The following NTM variants were observed in gnomAD, a reference collection of about 807,000 sequenced individuals.
NTM encodes the protein neurotrimin, also known as IgLON family member 2.
Under a neutral mutation model 42.1 loss-of-function variants are expected in NTM, and 13 were observed. That is an observed-to-expected ratio of 0.31 (90% confidence interval 0.20 to 0.49). The LOEUF (loss-of-function observed/expected upper bound fraction) is 0.49. Among genes scored for constraint, NTM ranks in the 20% least tolerant of loss-of-function variants. NTM has a pLI of 0.99. For synonymous variants in NTM, 187 were observed against 179.2 expected (o/e 1.04, Z -0.35); for missense variants, 373 against 452.8 (o/e 0.82, Z 1.60).
At chr11:132,079,707 T>C (rs2058789579) in intron 2 of NTM, among the ~76,000 whole-genome samples, 1 of 152,218 alleles carries the variant, frequency 6.6e-6, no homozygotes, top group African/African-American at 2.4e-5. Flanking sequence ...TGGTTGCATG[T>C]TCCTGACACT....
At chr11:132,111,447 T>C (rs1047758465) in intron 2 of NTM, among the ~76,000 whole-genome samples, 9 of 152,208 alleles carry the variant, frequency 5.9e-5, no homozygotes, top group Non-Finnish European at 1.2e-4. Flanking sequence ...TCTATCATCC[T>C]GAACTGTTTT....
chr11:131,896,701 T>C (rs1247666981), intron 1 of NTM, among the ~76,000 whole-genome samples: 6 of 138,808 alleles, frequency 4.3e-5, no homozygotes, highest in Non-Finnish European at 6.2e-5. Context: ...TTTTTTTTTT[T>C]TCTCTGAGAC....
At chr11:131,636,185 C>A (rs1382857785) in intron 1 of NTM, among the ~76,000 whole-genome samples, 1 of 152,062 alleles carries the variant, frequency 6.6e-6, no homozygotes, top group Admixed American at 6.5e-5. Flanking sequence ...GACACAGAGC[C>A]CCACCACGGA....
intron 1 of NTM, among the ~76,000 whole-genome samples, chr11:131,894,427 C>A (rs1255557041): frequency 1.3e-5 from 2 of 152,176 alleles, no homozygotes; most frequent in Non-Finnish European, 2.9e-5. Flanking sequence ...ATGAGCTCTG[C>A]AAAACTGGAT....
chr11:131,549,885 G>A (rs1056546220), intron 1 of NTM, among the ~76,000 whole-genome samples: 6 of 152,182 alleles, frequency 3.9e-5, no homozygotes, highest in African/African-American at 1.2e-4. Context: ...GACAAACCAC[G>A]ATTCGAGGTG....
rs529589691 is a variant in NTM at position 132,265,277 on chromosome 11, A to G, written c.527-42412A>G. On this transcript the variant is annotated intron_variant, in intron 4 of 8. Coordinates refer to ENST00000683400, the MANE Select transcript of NTM (RefSeq NM_001352005.2). ...GCCAGATATATTTTTATTAAAAAAT[A>G]AAAACTGGAACAGCTTCTGGCATGG... Among the ~76,000 whole-genome samples, 274 of 152,348 alleles carry G rather than the reference A, an allele frequency of 1.8e-3. 1 individual carries two copies. Among genetic ancestry groups the G allele is most frequent in the African/African-American group, 6.2e-3 (257 of 41,586 alleles).
chr11:131,649,034 G>A (rs1160918061), intron 1 of NTM, among the ~76,000 whole-genome samples: 3 of 152,146 alleles, frequency 2.0e-5, no homozygotes, highest in Admixed American at 6.5e-5. Context: ...TGTTGTGCCC[G>A]TGTTTTCCCT....
intron 1 of NTM, among the ~76,000 whole-genome samples, chr11:131,563,126 C>G (rs1334053384): frequency 1.3e-5 from 2 of 152,206 alleles, no homozygotes; most frequent in African/African-American, 2.4e-5. Flanking sequence ...TAATAGCTAC[C>G]TGCCTCCTGG....
intron 2 of NTM, among the ~76,000 whole-genome samples, chr11:131,995,167 A>G (rs2067761199): frequency 6.6e-6 from 1 of 152,180 alleles, no homozygotes; most frequent in Non-Finnish European, 1.5e-5. Context: ...GATCCATGGT[A>G]AGGATGGGTT....
intron 1 of NTM, among the ~76,000 whole-genome samples, chr11:131,700,728 G>A (rs2075989326): frequency 6.6e-6 from 1 of 152,164 alleles, no homozygotes; most frequent in African/African-American, 2.4e-5. Context: ...CCTGAAACCT[G>A]CAACTCAACC....
intron 1 of NTM, among the ~76,000 whole-genome samples, chr11:131,783,222 G>C (rs1304819284): frequency 1.3e-5 from 2 of 151,984 alleles, no homozygotes; most frequent in Non-Finnish European, 1.5e-5. Context: ...CCTATTTACA[G>C]GGTCATCCAA....
intron 4 of NTM, among the ~76,000 whole-genome samples, chr11:132,291,483 C>A (rs2094448930): frequency 6.6e-6 from 1 of 152,128 alleles, no homozygotes; most frequent in African/African-American, 2.4e-5. Context: ...ATGAGACTTC[C>A]ATGTGACCAT....
At chr11:131,551,706 C>T (rs1358235061) in intron 1 of NTM, among the ~76,000 whole-genome samples, 1 of 152,176 alleles carries the variant, frequency 6.6e-6, no homozygotes, top group Non-Finnish European at 1.5e-5. Flanking sequence ...TTCTTCTGCC[C>T]TTGAGAGGAT....
At chr11:132,228,064 C>G (rs767985696) in intron 4 of NTM, among the ~76,000 whole-genome samples, 1 of 152,146 alleles carries the variant, frequency 6.6e-6, no homozygotes, top group Non-Finnish European at 1.5e-5. Flanking sequence ...TCAAGTTAGG[C>G]TTTTGAAGCC....
At chr11:131,670,032 G>A (rs149751681) in intron 1 of NTM, among the ~76,000 whole-genome samples, 10 of 152,284 alleles carry the variant, frequency 6.6e-5, no homozygotes, top group East Asian at 1.9e-4. Context: ...AGGCTTTGTC[G>A]GTGTCTGACT....
At chr11:131,378,328 A>G (rs992980814) in intron 1 of NTM, among the ~76,000 whole-genome samples, 1 of 152,232 alleles carries the variant, frequency 6.6e-6, no homozygotes, top group African/African-American at 2.4e-5. Flanking sequence ...GTCTCATTCC[A>G]AGTTCAACAT....
chr11:131,979,383 C>T (rs774935307), intron 2 of NTM, among the ~76,000 whole-genome samples: 8 of 152,084 alleles, frequency 5.3e-5, no homozygotes, highest in Non-Finnish European at 1.0e-4. Flanking sequence ...TAACAATTGG[C>T]GTAGTAATTT....
chr11:131,692,869 G>C (rs928816970), intron 1 of NTM, among the ~76,000 whole-genome samples: 17 of 152,200 alleles, frequency 1.1e-4, no homozygotes, highest in African/African-American at 4.1e-4. Context: ...GAATCAAAGG[G>C]GTGAATGTCA....
At chr11:132,175,140 A>G (rs1190041577) in intron 3 of NTM, among the ~76,000 whole-genome samples, 1 of 152,184 alleles carries the variant, frequency 6.6e-6, no homozygotes, top group Non-Finnish European at 1.5e-5. Context: ...GATTTAGTGC[A>G]GAATGTGTAC....
Sources: gnomAD v4.1 joint callset for allele counts (sites outside exome capture counted in the v4.1 genomes callset) on GRCh38, gnomAD v4.1.1 for gene constraint, MANE v1.5 for transcripts, NCBI Gene and HGNC (gene_info 2026-07-23, HGNC 2026-07-21) for gene names.